MDN1: variants seen among roughly 807,000 people sequenced by gnomAD.
MDN1 encodes midasin AAA ATPase 1.
Under a neutral mutation model 669.2 loss-of-function variants are expected in MDN1, and 266 were observed. That is an observed-to-expected ratio of 0.40 (90% confidence interval 0.36 to 0.44). MDN1 has a LOEUF of 0.44. Ranked by LOEUF, MDN1 falls within the 20% of genes least tolerant of loss-of-function variation. MDN1 has a pLI of 1.00. For synonymous variants in MDN1, 2,385 were observed against 2,457.1 expected (o/e 0.97, Z 0.87); for missense variants, 5,940 against 6,754.0 (o/e 0.88, Z 4.22).
At chr6:89,751,944 T>C (rs1816977452) in intron 22 of MDN1, among the ~76,000 whole-genome samples, 2 of 152,150 alleles carry the variant, frequency 1.3e-5, no homozygotes. Flanking sequence ...AGTGTTGTAG[T>C]AAGGAAGGAG....
chr6:89,754,833 A>T (rs1817155488), intron 20 of MDN1, among the ~76,000 whole-genome samples: 1 of 152,226 alleles, frequency 6.6e-6, no homozygotes, highest in Non-Finnish European at 1.5e-5. Flanking sequence ...TGCATGCATC[A>T]CAGATGAAAT....
chr6:89,777,495 C>A (rs1229605964), intron 11 of MDN1, among the ~76,000 whole-genome samples: 5 of 152,124 alleles, frequency 3.3e-5, no homozygotes, highest in Non-Finnish European at 4.4e-5. Flanking sequence ...CTAAAACTAA[C>A]CCCCTCTTTG....
chr6:89,798,320 C>G (rs944802047), intron 2 of MDN1, among the ~76,000 whole-genome samples: 5 of 152,042 alleles, frequency 3.3e-5, no homozygotes, highest in African/African-American at 1.2e-4. Context: ...TCGAGACCAG[C>G]CTACCAACAT....
chr6:89,688,055 G>T, intron 67 of MDN1, 23 bp downstream of exon 67: 1 of 1,589,730 alleles, frequency 6.3e-7, no homozygotes, highest in Non-Finnish European at 8.6e-7. Context: ...CAACTAAAAT[G>T]AGGAAGAGAG....
intron 8 of MDN1, 149 bp downstream of exon 8, chr6:89,787,705 C>A: frequency 1.9e-6 from 1 of 521,210 alleles, no homozygotes; most frequent in Non-Finnish European, 3.3e-6. Context: ...TAAAAATAAT[C>A]AGGAATGAGA....
intron 17 of MDN1, among the ~76,000 whole-genome samples, chr6:89,760,418 T>C (rs2090582197): frequency 6.6e-6 from 1 of 152,172 alleles, no homozygotes; most frequent in South Asian, 2.1e-4. Context: ...CAGAGTTCAC[T>C]AGCTGTCATC....
rs747087714 is a variant in MDN1 at position 89,692,859 on chromosome 6, T to C, written c.10171A>G (p.Thr3391Ala). Residue 3391 changes from threonine to alanine, a missense_variant, in exon 63 of 102, where the codon ACC (threonine) becomes GCC (alanine). Physicochemically the swap from Thr to Ala is moderately conservative, Grantham distance 58 (BLOSUM62 0). This residue lies in a region of MDN1 where 150 missense variants were observed against 234.2 expected (regional missense o/e 0.64). Transcript: ENST00000369393. ...QFRKRLSEEY[T>A]FYPDAVSPLQ... The stretch of plus-strand genomic sequence containing the variant: ...GGGCTCACGGCATCTGGATAGAAGG[T>C]GTACTCCTCTGACAGCCGCTTCCGG... 1 of 1,614,048 alleles carries C rather than the reference T, an allele frequency of 6.2e-7. No individual in the cohort carries two copies. Among genetic ancestry groups the C allele is most frequent in the East Asian group, 2.2e-5 (1 of 44,888 alleles).
intron 82 of MDN1, 56 bp downstream of exon 82, chr6:89,672,144 T>C (rs1305115883): frequency 3.4e-6 from 5 of 1,482,406 alleles, no homozygotes; most frequent in Non-Finnish European, 3.6e-6. Context: ...AAGCCCACTC[T>C]GCCTTTGCTC....
intron 8 of MDN1, among the ~76,000 whole-genome samples, chr6:89,787,360 T>C (rs561273772): frequency 9.2e-5 from 14 of 152,324 alleles, no homozygotes; most frequent in Admixed American, 8.5e-4. Context: ...TTCATGCTTA[T>C]ATCCAATTAA....
At chr6:89,752,441 G>C (rs1477804611) in intron 22 of MDN1, among the ~76,000 whole-genome samples, 1 of 152,120 alleles carries the variant, frequency 6.6e-6, no homozygotes, top group Non-Finnish European at 1.5e-5. Flanking sequence ...TTTTTAAAAG[G>C]CTGAGTCCAA....
Position 89,745,553 on chromosome 6 carries a change from A to C in MDN1, c.3978T>G (p.His1326Gln). The C allele has an allele frequency of 1.2e-6, 2 of 1,614,172 alleles. No homozygotes were observed. The highest frequency in any genetic ancestry group is 1.7e-6 in the Non-Finnish European group (2 of 1,180,014). Reference sequence around the variant, plus strand: ...ATTGAGGACACAATTTTTTCTTGAAATGTTTCTCAAGGACTTCTTGAATCA... The same window carrying C: ...ATTGAGGACACAATTTTTTCTTGAACTGTTTCTCAAGGACTTCTTGAATCA... Reference protein sequence around the residue: ...IDVIQEVLEKHFKKKLCPQSL... With the variant: ...IDVIQEVLEKQFKKKLCPQSL... The change falls in exon 28 of 102, where the codon CAT becomes CAG. Residue 1326 changes from histidine to glutamine, a missense_variant. This residue lies in a region of MDN1 where 2,292 missense variants were observed against 2,638.3 expected (regional missense o/e 0.87). Coordinates refer to ENST00000369393, the MANE Select transcript of MDN1 (RefSeq NM_014611.3).
chr6:89,724,731 C>A (rs1242735982), intron 38 of MDN1, among the ~76,000 whole-genome samples: 1 of 152,180 alleles, frequency 6.6e-6, no homozygotes, highest in Non-Finnish European at 1.5e-5. Flanking sequence ...TACACAGGTA[C>A]CCCTCTGCAA....
intron 75 of MDN1, 104 bp downstream of exon 75, chr6:89,678,495 C>T (rs886844884): frequency 2.2e-6 from 3 of 1,347,640 alleles, no homozygotes; most frequent in African/African-American, 2.9e-5. Flanking sequence ...TTCTGTTGTC[C>T]ACCATCTCAA....
intron 45 of MDN1, among the ~76,000 whole-genome samples, chr6:89,715,404 T>C (rs1038500799): frequency 3.3e-5 from 5 of 152,238 alleles, no homozygotes; most frequent in Non-Finnish European, 5.9e-5. Flanking sequence ...CTGGTATCTC[T>C]GCTTCCCACC....
At position 89,646,553 on chromosome 6, in the gene MDN1, C is replaced by T; in HGVS notation, c.16446G>A (p.Gln5482=). Residue 5482 remains glutamine (Q), a synonymous_variant, in exon 100 of 102, where the codon CAG becomes CAA. Coordinates refer to ENST00000369393, the MANE Select transcript of MDN1 (RefSeq NM_014611.3). The stretch of plus-strand genomic sequence containing the variant: ...CATGCAGCTCACCTGAACTGATGTT[C>T]TGCGAGAGCTGCTGAGCAGCTGCAA... The part of the protein sequence containing the change: ...NMFAAAQQLS[Q]NISSETAQLL... The T allele has an allele frequency of 1.9e-6, 3 of 1,614,128 alleles. No homozygotes were observed. Among genetic ancestry groups the T allele is most frequent in the Non-Finnish European group, 2.5e-6 (3 of 1,179,954 alleles).
rs772439363 is a variant in MDN1 at position 89,695,562 on chromosome 6, C to A, written c.9771+43G>T. On this transcript the variant is annotated intron_variant, in intron 61 of 101. Coordinates refer to ENST00000369393, the MANE Select transcript of MDN1 (RefSeq NM_014611.3). This position sits in a 1 kb window ranked among gnomAD's most constrained non-coding sequence, Gnocchi z 4.1. The stretch of plus-strand genomic sequence containing the variant: ...AGTAATACAATAAGCAAACCCAGCA[C>A]GTCAGGGAAGGAGCCCATGCTCCAT... The A allele has an allele frequency of 2.6e-6, 4 of 1,542,362 alleles. No homozygotes were observed. Among genetic ancestry groups the A allele is most frequent in the Non-Finnish European group, 3.5e-6 (4 of 1,141,368 alleles).
chr6:89,693,983 G>A (rs1239839404), intron 62 of MDN1, 91 bp downstream of exon 62: 3 of 1,007,302 alleles, frequency 3.0e-6, no homozygotes, highest in Middle Eastern at 2.0e-4. Context: ...GTTTAGAGGT[G>A]TATATTATCA....
At chr6:89,803,305 C>T (rs559205438) in intron 2 of MDN1, 23 bp downstream of exon 2, 58 of 1,598,488 alleles carry the variant, frequency 3.6e-5, no homozygotes, top group Admixed American at 1.0e-4. Context: ...AGGAGAAATG[C>T]GAATAATAAA....
At position 89,803,423 on chromosome 6, in the gene MDN1, T is replaced by C; in HGVS notation, c.234A>G (p.Glu78=). Residue 78 remains glutamate (E), a synonymous_variant, in exon 2 of 102, where the codon GAA becomes GAG. Coordinates refer to ENST00000369393, the MANE Select transcript of MDN1 (RefSeq NM_014611.3). ...LLLDLLERNA[E]AIKAGGQINH... is the part of the protein sequence containing the mutation. ...TGATTTGGCCTCCAGCTTTAATGGC[T>C]TCGGCATTCCTTTCCAGCAAATCCA... 1.2e-6 allele frequency: 2 copies of C among 1,614,180 alleles called. No individual in the cohort carries two copies. The highest frequency in any genetic ancestry group is 1.7e-6 in the Non-Finnish European group (2 of 1,180,032).
Sources: gnomAD v4.1 joint callset for allele counts (sites outside exome capture counted in the v4.1 genomes callset) on GRCh38, gnomAD v4.1.1 for gene constraint, gnomAD v4.1.1 regional missense constraint, Gnocchi (gnomAD v3.1) non-coding constraint, MANE v1.5 for transcripts, NCBI Gene and HGNC (gene_info 2026-07-23, HGNC 2026-07-21) for gene names.